SLC1A1: variants seen among roughly 807,000 people sequenced by gnomAD.
SLC1A1 encodes the protein solute carrier family 1 member 1, also known as excitatory amino acid transporter 3.
SLC1A1 carries 43 observed loss-of-function variants against 53.3 expected under a neutral mutation model. That is an observed-to-expected ratio of 0.81 (90% CI 0.63 to 1.04). The LOEUF (loss-of-function observed/expected upper bound fraction) is 1.04. Ranked by LOEUF, SLC1A1 falls within the 50% of genes least tolerant of loss-of-function variation. The pLI is 0.00. For missense variants in SLC1A1, 748 were observed against 664.9 expected (o/e 1.12, Z -1.37); for synonymous variants, 307 against 243.2 (o/e 1.26, Z -2.44).
Position 4,561,557 on chromosome 9 carries a change from G to A in SLC1A1, c.325+16G>A. ...GTTATTCTAGGTAATACTTATTTCT[G>A]AATCCTTACTACTTTATGTAATGGT... On this transcript the variant is annotated intron_variant, in intron 3 of 11. Coordinates refer to ENST00000262352, the MANE Select transcript of SLC1A1 (RefSeq NM_004170.6). 2 of 1,376,748 alleles carry A rather than the reference G, an allele frequency of 1.5e-6. No individual in the cohort carries two copies. Among genetic ancestry groups the A allele is most frequent in the Non-Finnish European group, 2.1e-6 (2 of 963,486 alleles). 85.3% of individuals were successfully genotyped at this position (1,376,748 alleles called of 1,614,324 possible). A position where few individuals can be genotyped will look rare whatever the true frequency, so the allele number is the denominator to read the frequency against.
chr9:4,499,470 T>C (rs931190194), intron 1 of SLC1A1, among the ~76,000 whole-genome samples: 14 of 152,256 alleles, frequency 9.2e-5, no homozygotes, highest in Non-Finnish European at 1.8e-4. Context: ...TGAATGCTTA[T>C]GCCTGGTGTT....
intron 6 of SLC1A1, among the ~76,000 whole-genome samples, chr9:4,571,382 T>TA (rs1820029905): frequency 6.6e-6 from 1 of 152,028 alleles, no homozygotes; most frequent in South Asian, 2.1e-4. Context: ...AAAGTTTTTT[T>TA]AAAAAAATCC....
rs1820126629 is a variant in SLC1A1 at position 4,572,263 on chromosome 9, C to T, written c.642C>T (p.Gly214=). The part of the protein sequence containing the change: ...GMYSDGINVL[G]LIVFCLVFGL... ...ATTCAGATGGCATAAACGTCCTGGG[C>T]TTGATTGTCTTTTGCCTTGTCTTTG... Residue 214 remains glycine (G), a synonymous_variant, in exon 7 of 12, where the codon GGC becomes GGT. Transcript: ENST00000262352. 1 of 1,614,034 alleles carries T rather than the reference C, an allele frequency of 6.2e-7. No individual in the cohort carries two copies. The highest frequency in any genetic ancestry group is 1.3e-5 in the African/African-American group (1 of 75,018).
At position 4,567,784 on chromosome 9, in the gene SLC1A1, C is replaced by T. The variant is rs1819628499; in HGVS notation, c.582+17C>T. The T allele has an allele frequency of 6.8e-7, 1 of 1,464,314 alleles. No homozygotes were observed. Among genetic ancestry groups the T allele is most frequent in the Non-Finnish European group, 9.6e-7 (1 of 1,044,466 alleles). 90.7% of individuals were successfully genotyped at this position (1,464,314 alleles called of 1,614,324 possible). On this transcript the variant is annotated intron_variant, in intron 6 of 11. Transcript: ENST00000262352. ...ATTTCCAAGGTACCATTCTTATTTC[C>T]TGTTCCTCTTCCCCAGGAGACAGGC... is the stretch of plus-strand genomic sequence containing the variant.
chr9:4,546,643 C>A (rs748160385), intron 2 of SLC1A1, among the ~76,000 whole-genome samples: 2 of 152,180 alleles, frequency 1.3e-5, no homozygotes, highest in Non-Finnish European at 2.9e-5. Context: ...CCCTTAGAAT[C>A]TTCTCCATAT....
intron 1 of SLC1A1, among the ~76,000 whole-genome samples, chr9:4,501,971 T>C (rs939691775): frequency 6.6e-6 from 1 of 151,730 alleles, no homozygotes; most frequent in East Asian, 1.9e-4. Flanking sequence ...ATGCCTAAAC[T>C]ACAGAGAGCC....
At chr9:4,535,818 G>T (rs1291490388) in intron 1 of SLC1A1, among the ~76,000 whole-genome samples, 1 of 152,058 alleles carries the variant, frequency 6.6e-6, no homozygotes, top group Non-Finnish European at 1.5e-5. Flanking sequence ...ATACTACAAG[G>T]CTACAGTAAC....
intron 10 of SLC1A1, among the ~76,000 whole-genome samples, chr9:4,580,890 TTTTG>T (rs1262432949): frequency 1.4e-4 from 21 of 152,062 alleles, no homozygotes; most frequent in East Asian, 1.9e-4. Flanking sequence ...TTTTTAATCT[TTTTG>T]TTTGTTTTTT....
intron 1 of SLC1A1, among the ~76,000 whole-genome samples, chr9:4,516,705 A>G (rs1446777968): frequency 6.6e-6 from 1 of 152,200 alleles, no homozygotes; most frequent in Non-Finnish European, 1.5e-5. Flanking sequence ...TTACACAAAC[A>G]TGTTCAATGG....
At chr9:4,503,849 G>A (rs1360024314) in intron 1 of SLC1A1, among the ~76,000 whole-genome samples, 1 of 148,898 alleles carries the variant, frequency 6.7e-6, no homozygotes, top group Non-Finnish European at 1.5e-5. Flanking sequence ...CTTCTTCACT[G>A]AAGAATTAAA....
intron 1 of SLC1A1, among the ~76,000 whole-genome samples, chr9:4,507,118 C>T (rs1222716431): frequency 2.0e-4 from 30 of 152,104 alleles, no homozygotes; most frequent in Non-Finnish European, 4.4e-5. Context: ...CCTGTAGTCC[C>T]AGCCACTTGG....
intron 7 of SLC1A1, 114 bp from the exon 8 acceptor site, chr9:4,573,793 C>A (rs546934569): frequency 2.6e-6 from 2 of 781,628 alleles, no homozygotes; most frequent in East Asian, 2.5e-5. Flanking sequence ...CTGTGCTCCA[C>A]CAAGTGTGCA....
intron 10 of SLC1A1, among the ~76,000 whole-genome samples, chr9:4,582,178 A>T (rs1564068692): frequency 6.6e-6 from 1 of 152,202 alleles, no homozygotes; most frequent in Non-Finnish European, 1.5e-5. Flanking sequence ...AATAAGGAAG[A>T]TGTTGCTGAT....
intron 2 of SLC1A1, among the ~76,000 whole-genome samples, chr9:4,545,703 A>C (rs1014122929): frequency 6.6e-6 from 1 of 152,230 alleles, no homozygotes; most frequent in Non-Finnish European, 1.5e-5. Flanking sequence ...CGAAAAGCCT[A>C]GTATTTTTAA....
At chr9:4,519,296 T>C (rs890187149) in intron 1 of SLC1A1, among the ~76,000 whole-genome samples, 2 of 152,242 alleles carry the variant, frequency 1.3e-5, no homozygotes, top group African/African-American at 4.8e-5. Flanking sequence ...TGCATGACAT[T>C]GGTTTAGATC....
Position 4,585,295 on chromosome 9 carries a change from C to T in SLC1A1, c.1329-17C>T. 1 of 1,612,910 alleles carries T rather than the reference C, an allele frequency of 6.2e-7. No homozygotes were observed. Among genetic ancestry groups the T allele is most frequent in the Non-Finnish European group, 8.5e-7 (1 of 1,179,868 alleles). On this transcript the variant is annotated splice_polypyrimidine_tract_variant and intron_variant, in intron 11 of 11. Coordinates refer to ENST00000262352, the MANE Select transcript of SLC1A1 (RefSeq NM_004170.6). ...GAAATCTGGGCCTCCTGTCTGACTC[C>T]TCCCGTCTCTCCCCAGGGACCGGTT...
At chr9:4,493,508 C>G (rs140035711) in intron 1 of SLC1A1, among the ~76,000 whole-genome samples, 1 of 152,294 alleles carries the variant, frequency 6.6e-6, no homozygotes, top group African/African-American at 2.4e-5. Flanking sequence ...TGCAGCCTCC[C>G]TTTTGGACTT....
intron 1 of SLC1A1, among the ~76,000 whole-genome samples, chr9:4,510,904 CA>C (rs1462942368): frequency 2.0e-5 from 3 of 152,184 alleles, no homozygotes; most frequent in Admixed American, 6.5e-5. Flanking sequence ...CCACCGTAAA[CA>C]AATTGAGAGT....
At chr9:4,568,497 G>A (rs1425971794) in intron 6 of SLC1A1, among the ~76,000 whole-genome samples, 2 of 151,906 alleles carry the variant, frequency 1.3e-5, no homozygotes, top group African/African-American at 2.4e-5. Flanking sequence ...AAGACAGGTG[G>A]ATCGCTTGAA....
Sources: gnomAD v4.1 joint callset for allele counts (sites outside exome capture counted in the v4.1 genomes callset) on GRCh38, gnomAD v4.1.1 for gene constraint, MANE v1.5 for transcripts, NCBI Gene and HGNC (gene_info 2026-07-23, HGNC 2026-07-21) for gene names.